Variants in ZNF680 observed in about 807,000 individuals in gnomAD.
ZNF680 encodes the protein zinc finger protein 680, also known as hypothetical protein FLJ90430.
ZNF680 carries 6 observed loss-of-function variants against 12.1 expected under a neutral mutation model. The ratio of observed to expected loss-of-function variants is 0.49; its 90% confidence interval spans 0.27 to 0.98. The LOEUF (loss-of-function observed/expected upper bound fraction) is 0.98. Among genes scored for constraint, ZNF680 ranks in the 50% least tolerant of loss-of-function variants. The probability of loss-of-function intolerance (pLI) is 0.12; values close to 1 mark genes in which losing one functional copy is unlikely to be tolerated. For synonymous variants in ZNF680, 170 were observed against 199.3 expected (o/e 0.85, Z 1.24); for missense variants, 561 against 616.3 (o/e 0.91, Z 0.95).
At position 64,563,051 on chromosome 7, in the gene ZNF680, G is replaced by C; in HGVS notation, c.-97C>G. The stretch of plus-strand genomic sequence containing the variant: ...CAGAGCAGTAAAGACTAGACCTGGA[G>C]CTCCCGCAGCAGCTAGAGACAAAGG... On this transcript the variant is annotated 5_prime_UTR_variant, in exon 1 of 4. Transcript: ENST00000309683. 7.0e-7 allele frequency: 1 copy of C among 1,433,752 alleles called. No homozygotes were observed. Among genetic ancestry groups the C allele is most frequent in the Non-Finnish European group, 9.7e-7 (1 of 1,027,078 alleles). 88.8% of individuals were successfully genotyped at this position (1,433,752 alleles called of 1,614,324 possible).
downstream of ZNF680, among the ~76,000 whole-genome samples, chr7:64,515,833 T>G (rs1471758771): frequency 6.6e-6 from 1 of 152,174 alleles, no homozygotes; most frequent in Non-Finnish European, 1.5e-5. Flanking sequence ...CACCTTTATT[T>G]AAACTATACA....
chr7:64,530,244 T>A (rs115314745), intron 3 of ZNF680, among the ~76,000 whole-genome samples: 2,674 of 151,952 alleles, frequency 0.018, 84 homozygotes, highest in African/African-American at 0.06. Flanking sequence ...AAATACAATT[T>A]AAAAAGCAAA....
chr7:64,522,819 T>C (rs1055988652), intron 3 of ZNF680, among the ~76,000 whole-genome samples: 6 of 151,918 alleles, frequency 3.9e-5, no homozygotes, highest in Admixed American at 1.3e-4. Flanking sequence ...AACCAGTGAA[T>C]TTGTCAAGAA....
At chr7:64,561,379 C>G (rs1288223040) in intron 1 of ZNF680, 1 of 152,210 alleles carries the variant, frequency 6.6e-6, no homozygotes, top group Non-Finnish European at 1.5e-5. Context: ...AACCCAGGAC[C>G]AGGAAAAATC....
Position 64,522,338 on chromosome 7 carries a change from T to C in ZNF680, c.416A>G (p.Tyr139Cys), listed in dbSNP as rs751914040. ...TCTCAAACATTGGTTAAGTTCATTA[T>C]AACCTTCTTTGAACACCTTAGACTC... Reference protein sequence around the residue: ...VDESKVFKEGYNELNQCLRTT... With the variant: ...VDESKVFKEGCNELNQCLRTT... The change falls in exon 4 of 4, where the codon TAT (tyrosine) becomes TGT (cysteine). Residue 139 changes from tyrosine (Y) to cysteine (C), a missense_variant. Coordinates refer to ENST00000309683, the MANE Select transcript of ZNF680 (RefSeq NM_178558.5). The C allele has an allele frequency of 3.2e-5, 52 of 1,612,940 alleles. No individual in the cohort carries two copies. The South Asian group carries it at 5.6e-4, about 17-fold the overall frequency.
In ZNF680 at chr7:64,522,371, C is replaced by A; in HGVS notation, c.383G>T (p.Ser128Ile). 6.2e-7 allele frequency: 1 copy of A among 1,612,418 alleles called. No homozygotes were observed. Among genetic ancestry groups the A allele is most frequent in the Non-Finnish European group, 8.5e-7 (1 of 1,179,212 alleles). ...TTTGAACACCTTAGACTCATCCACA[C>A]TTTTACAACTTATTCTTAATTGTAA... ...ENLQLRISCKSVDESKVFKEG... is the reference protein window; with the variant it reads ...ENLQLRISCKIVDESKVFKEG... The change falls in exon 4 of 4, where the codon AGT becomes ATT. Residue 128 changes from serine (S) to isoleucine (I), a missense_variant. Physicochemically the swap from Ser to Ile is moderately radical, Grantham distance 142 (BLOSUM62 -2). Coordinates refer to ENST00000309683, the MANE Select transcript of ZNF680 (RefSeq NM_178558.5).
the ZNF680 span, among the ~76,000 whole-genome samples, chr7:64,514,609 CAATAA>C: frequency 1.3e-5 from 2 of 151,796 alleles, no homozygotes; most frequent in African/African-American, 4.8e-5. Flanking sequence ...TTATAAATGT[CAATAA>C]AATAAACTCA....
At chr7:64,528,703 C>T (rs986450143) in intron 3 of ZNF680, among the ~76,000 whole-genome samples, 3 of 152,132 alleles carry the variant, frequency 2.0e-5, no homozygotes, top group African/African-American at 7.2e-5. Context: ...TCAGACACAC[C>T]TAGCCCTGCC....
chr7:64,550,546 G>A (rs1004099585), intron 1 of ZNF680, among the ~76,000 whole-genome samples: 1 of 152,124 alleles, frequency 6.6e-6, no homozygotes, highest in African/African-American at 2.4e-5. Flanking sequence ...TTAGCAACAC[G>A]AGGAAAGAGA....
intron 1 of ZNF680, among the ~76,000 whole-genome samples, chr7:64,550,033 T>C (rs1444778135): frequency 2.0e-5 from 3 of 152,020 alleles, no homozygotes; most frequent in Admixed American, 2.0e-4. Flanking sequence ...AAGTAGACAG[T>C]TTATTTGGGT....
intron 1 of ZNF680, among the ~76,000 whole-genome samples, chr7:64,561,949 TTTACA>T (rs1414338926): frequency 2.9e-5 from 2 of 69,976 alleles, no homozygotes; most frequent in African/African-American, 1.1e-4. Context: ...AAAAAAAAAA[TTTACA>T]TTAGGCACAG....
At chr7:64,560,583 G>A (rs1787678565) in intron 1 of ZNF680, among the ~76,000 whole-genome samples, 3 of 152,142 alleles carry the variant, frequency 2.0e-5, no homozygotes, top group South Asian at 2.1e-4. Flanking sequence ...AGGCCAAGGC[G>A]GGTGGATCAC....
chr7:64,521,578 G>C lies in ZNF680; in HGVS notation c.1176C>G (p.Asn392Lys). The C allele has an allele frequency of 6.2e-7, 1 of 1,612,434 alleles. No individual in the cohort carries two copies. The highest frequency in any genetic ancestry group is 8.5e-7 in the Non-Finnish European group (1 of 1,179,668). ...ECGKAFIQSS[N>K]LTEHMRIHTG... ...TATGAATTCTCATATGTTCAGTAAG[G>C]TTTGAGGACTGTATAAAAGCTTTGC... The change falls in exon 4 of 4, where the codon AAC becomes AAG. Residue 392 changes from asparagine (N) to lysine (K), a missense_variant. By Grantham distance (94) the Asn-to-Lys change is moderately conservative. Coordinates refer to ENST00000309683, the MANE Select transcript of ZNF680 (RefSeq NM_178558.5).
rs58056053 is a variant in ZNF680 at position 64,556,259 on chromosome 7, TAAAAAA to T, written c.30+6660_30+6665del. Among the ~76,000 whole-genome samples the T allele has an allele frequency of 4.6e-3, 407 of 88,500 alleles. 5 individuals carry two copies. The highest frequency in any genetic ancestry group is 0.013 in the African/African-American group (377 of 28,112). 58.1% of individuals were successfully genotyped at this position (88,500 alleles called of 152,430 possible). A position where few individuals can be genotyped will look rare whatever the true frequency, so the allele number is the denominator to read the frequency against. On this transcript the variant is annotated intron_variant, in intron 1 of 3. Transcript: ENST00000309683. ...CTACCAATAACATTCTTCACGGAAC[TAAAAAA>T]AAAAAAAAAAAAAAGTATTTTAAAA...
chr7:64,561,972 C>T (rs1305858681), intron 1 of ZNF680, among the ~76,000 whole-genome samples: 1 of 146,748 alleles, frequency 6.8e-6, no homozygotes, highest in Non-Finnish European at 1.5e-5. Flanking sequence ...CAGTGGCTCA[C>T]GCCTGTAATC....
intron 1 of ZNF680, among the ~76,000 whole-genome samples, chr7:64,549,992 CA>C (rs1786987746): frequency 6.6e-6 from 1 of 151,988 alleles, no homozygotes; most frequent in South Asian, 2.1e-4. Context: ...TCAAAAAAAA[CA>C]AAAACAAAAA....
At chr7:64,549,847 G>C (rs886834597) in intron 1 of ZNF680, among the ~76,000 whole-genome samples, 3 of 152,152 alleles carry the variant, frequency 2.0e-5, no homozygotes, top group African/African-American at 7.2e-5. Flanking sequence ...GCTGGGCGTG[G>C]TGGCACGTGC....
rs1183453057 is a variant in ZNF680, at chr7:64,522,270, C to A, written c.484G>T (p.Val162Phe). Residue 162 changes from valine to phenylalanine, a missense_variant, in exon 4 of 4, where the codon GTC becomes TTC. Physicochemically the swap from Val to Phe is conservative, Grantham distance 50. Transcript: ENST00000309683. ...KIFQCDKYVKVFHKFSNSNSH... is the reference protein window; with the variant it reads ...KIFQCDKYVKFFHKFSNSNSH... ...TTTGAATTTGAAAATTTATGAAAGACTTTCACGTATTTATCACATTGAAAT... is the reference window on the plus strand; with the variant it reads ...TTTGAATTTGAAAATTTATGAAAGAATTTCACGTATTTATCACATTGAAAT... The A allele has an allele frequency of 6.2e-7, 1 of 1,612,988 alleles. No individual in the cohort carries two copies. Among genetic ancestry groups the A allele is most frequent in the Admixed American group, 1.7e-5 (1 of 59,878 alleles).
chr7:64,562,636 C>T (rs1333114678), intron 1 of ZNF680, among the ~76,000 whole-genome samples: 1 of 152,242 alleles, frequency 6.6e-6, no homozygotes, highest in African/African-American at 2.4e-5. Flanking sequence ...AACCCTGCAC[C>T]CCGAGTTATC....
Sources: gnomAD v4.1 joint callset for allele counts (sites outside exome capture counted in the v4.1 genomes callset) on GRCh38, gnomAD v4.1.1 for gene constraint, MANE v1.5 for transcripts, NCBI Gene and HGNC (gene_info 2026-07-23, HGNC 2026-07-21) for gene names.